Variants in RB1CC1 observed in about 807,000 individuals in gnomAD.
RB1CC1 encodes RB1 inducible coiled-coil 1.
A neutral mutation model predicts 177.5 loss-of-function variants in RB1CC1; 46 were observed. The observed-to-expected ratio is 0.26, with a 90% CI of 0.20 to 0.33. The LOEUF is 0.33. Among genes scored for constraint, RB1CC1 ranks in the 10% least tolerant of loss-of-function variants. The probability of loss-of-function intolerance (pLI) is 1.00; values close to 1 mark genes in which losing one functional copy is unlikely to be tolerated. For missense variants in RB1CC1, 1,703 were observed against 1,816.3 expected (o/e 0.94, Z 1.13); for synonymous variants, 666 against 613.6 (o/e 1.09, Z -1.26).
rs1368435760 is a variant in RB1CC1, at chr8:52,686,947, T to G, written c.-146A>C. The G allele has an allele frequency of 4.4e-6, 2 of 456,524 alleles. No homozygotes were observed. Among genetic ancestry groups the G allele is most frequent in the Non-Finnish European group, 8.8e-6 (2 of 226,966 alleles). The allele number at this position is 456,524 out of a possible 1,614,324, so 28.3% of individuals were successfully genotyped here. On this transcript the variant is annotated 5_prime_UTR_variant, in exon 2 of 24. It removes an upstream start codon present in the reference 5' UTR. Transcript: ENST00000025008. Reference sequence around the variant, plus strand: ...GCTTGAGATTGGCAACTGAATGGCATTACTGGTTAAACTCAGAAAACTGGA... The same window carrying G: ...GCTTGAGATTGGCAACTGAATGGCAGTACTGGTTAAACTCAGAAAACTGGA...
chr8:52,700,297 G>GT (rs1855931175), intron 1 of RB1CC1, among the ~76,000 whole-genome samples: 1 of 152,070 alleles, frequency 6.6e-6, no homozygotes, highest in South Asian at 2.1e-4. Flanking sequence ...GCCAAGGCAG[G>GT]TGGATTGCTT....
chr8:52,668,472 G>GA (rs1381867755), intron 7 of RB1CC1, among the ~76,000 whole-genome samples: 1 of 152,122 alleles, frequency 6.6e-6, no homozygotes, highest in Non-Finnish European at 1.5e-5. Context: ...ATATCTCTCA[G>GA]AAAAAGGTAT....
intron 1 of RB1CC1, among the ~76,000 whole-genome samples, chr8:52,706,750 AAG>A (rs758772529): frequency 0.017 from 2,523 of 150,952 alleles, 19 homozygotes; most frequent in Non-Finnish European, 0.025. Flanking sequence ...AAAAAAAAAA[AAG>A]AGAGAGAGAG....
intron 1 of RB1CC1, among the ~76,000 whole-genome samples, chr8:52,708,292 G>A (rs1343510996): frequency 1.3e-5 from 2 of 152,020 alleles, no homozygotes; most frequent in African/African-American, 4.8e-5. Context: ...TGAGGCGGGT[G>A]GATCACAAGG....
intron 3 of RB1CC1, among the ~76,000 whole-genome samples, chr8:52,685,113 C>G (rs1285538376): frequency 1.3e-5 from 2 of 151,230 alleles, no homozygotes; most frequent in African/African-American, 4.9e-5. Flanking sequence ...AAGTGATTCT[C>G]CTGCCTCAGC....
intron 20 of RB1CC1, among the ~76,000 whole-genome samples, chr8:52,632,718 A>C (rs1040667315): frequency 2.6e-5 from 4 of 152,210 alleles, no homozygotes; most frequent in Non-Finnish European, 5.9e-5. Context: ...AAAATCACTA[A>C]GGAAAAGGGA....
At position 52,624,773 on chromosome 8, in the gene RB1CC1, T is replaced by C. The variant is rs1848265256; in HGVS notation, c.4651A>G (p.Arg1551Gly). 5 of 1,574,836 alleles carry C rather than the reference T, an allele frequency of 3.2e-6. No individual in the cohort carries two copies. The highest frequency in any genetic ancestry group is 1.4e-5 in the African/African-American group (1 of 72,678). Residue 1551 changes from arginine (R) to glycine (G), a missense_variant, in exon 23 of 24, where the codon AGA becomes GGA. Physicochemically the swap from Arg to Gly is moderately radical, Grantham distance 125 (BLOSUM62 -2). Transcript: ENST00000025008. ...ACTTTTCCAAGTACCCAGGGTCTTC[T>C]AGATGCACCTGAAGCTAATGAAATT... is the stretch of plus-strand genomic sequence containing the variant. ...KPGEGASGASRRPWVLGKVME... is the reference protein window; with the variant it reads ...KPGEGASGASGRPWVLGKVME...
chr8:52,669,106 T>C (rs779630548), intron 7 of RB1CC1, among the ~76,000 whole-genome samples: 59 of 152,372 alleles, frequency 3.9e-4, no homozygotes, highest in Admixed American at 1.9e-3. Flanking sequence ...TGTTTCTGAC[T>C]GTTTACTAAC....
rs2150360594 is a variant in RB1CC1 at position 52,623,091 on chromosome 8, A to C, written c.*691T>G. On this transcript the variant is annotated 3_prime_UTR_variant, in exon 24 of 24. Coordinates refer to ENST00000025008, the MANE Select transcript of RB1CC1 (RefSeq NM_014781.5). Reference sequence around the variant, plus strand: ...GTTTGAGTCTGCATTTGAAATGGTTAGTAGCACAGACTCTTCCCTTTAGAA... The same window carrying C: ...GTTTGAGTCTGCATTTGAAATGGTTCGTAGCACAGACTCTTCCCTTTAGAA... 1 of 152,950 alleles carries C rather than the reference A, an allele frequency of 6.5e-6. No individual in the cohort carries two copies. The highest frequency in any genetic ancestry group is 2.4e-5 in the African/African-American group (1 of 41,544). 9.5% of individuals were successfully genotyped at this position (152,950 alleles called of 1,614,324 possible).
chr8:52,707,578 C>T (rs557599254), intron 1 of RB1CC1, among the ~76,000 whole-genome samples: 1 of 152,076 alleles, frequency 6.6e-6, no homozygotes, highest in East Asian at 1.9e-4. Context: ...AAACTGCAAC[C>T]TCTTCTCTCT....
intron 3 of RB1CC1, among the ~76,000 whole-genome samples, chr8:52,685,065 C>T (rs540379480): frequency 2.8e-5 from 4 of 144,336 alleles, no homozygotes; most frequent in East Asian, 4.1e-4. Context: ...TGCAGTGGTG[C>T]GATCTTGACT....
At chr8:52,702,849 G>GA (rs1010536205) in intron 1 of RB1CC1, among the ~76,000 whole-genome samples, 50 of 148,194 alleles carry the variant, frequency 3.4e-4, no homozygotes, top group Admixed American at 1.6e-3. Context: ...GGCTGTTGCA[G>GA]AAAAAAAAAA....
intron 21 of RB1CC1, among the ~76,000 whole-genome samples, chr8:52,628,815 A>G (rs1345787906): frequency 6.6e-6 from 1 of 152,222 alleles, no homozygotes; most frequent in Admixed American, 6.5e-5. Context: ...AATCAATCTC[A>G]TATTTTTCAG....
chr8:52,639,206 C>T (rs566379421), intron 18 of RB1CC1, among the ~76,000 whole-genome samples: 2 of 152,234 alleles, frequency 1.3e-5, no homozygotes, highest in Admixed American at 6.5e-5. Flanking sequence ...TATCTTTCCA[C>T]GTACAGCTTT....
intron 1 of RB1CC1, among the ~76,000 whole-genome samples, chr8:52,701,183 C>T (rs554207649): frequency 2.0e-5 from 3 of 151,600 alleles, no homozygotes; most frequent in South Asian, 2.1e-4. Context: ...AGTGCAATGG[C>T]GTGATCTCAG....
At chr8:52,692,356 A>G (rs556234862) in intron 1 of RB1CC1, among the ~76,000 whole-genome samples, 3 of 152,292 alleles carry the variant, frequency 2.0e-5, no homozygotes, top group South Asian at 2.1e-4. Flanking sequence ...TTTTAAAGTA[A>G]AAACAAACAT....
intron 22 of RB1CC1, 36 bp downstream of exon 22, chr8:52,627,996 T>C: frequency 6.6e-7 from 1 of 1,509,716 alleles, no homozygotes; most frequent in Non-Finnish European, 8.9e-7. Flanking sequence ...TTTCCTCCAT[T>C]CCAGGTTTAT....
At chr8:52,642,657 TTTTCCAC>T in intron 17 of RB1CC1, 40 bp downstream of exon 17, 2 of 1,578,084 alleles carry the variant, frequency 1.3e-6, no homozygotes, top group Non-Finnish European at 1.7e-6. Flanking sequence ...TGAATGTATC[TTTTCCAC>T]TTTAAAAAAT....
intron 7 of RB1CC1, among the ~76,000 whole-genome samples, chr8:52,671,625 A>G (rs1347795878): frequency 6.6e-6 from 1 of 152,258 alleles, no homozygotes; most frequent in Non-Finnish European, 1.5e-5. Flanking sequence ...TCACATTTAC[A>G]GATCATATAC....
Sources: allele counts gnomAD v4.1 joint callset (sites outside exome capture counted in the v4.1 genomes callset), GRCh38; gene constraint gnomAD v4.1.1; transcripts MANE v1.5; gene names NCBI Gene and HGNC (gene_info 2026-07-23, HGNC 2026-07-21).